Variants in HS3ST5 observed in about 807,000 individuals in gnomAD.
The protein encoded by HS3ST5 is heparan sulfate-glucosamine 3-sulfotransferase 5, also known as heparan sulfate glucosamine 3-O-sulfotransferase 5.
Under a neutral mutation model 25.4 loss-of-function variants are expected in HS3ST5, and 10 were observed. The ratio of observed to expected loss-of-function variants is 0.39; its 90% CI spans 0.24 to 0.67. The LOEUF (loss-of-function observed/expected upper bound fraction) is 0.67. Among genes scored for constraint, HS3ST5 ranks in the 30% least tolerant of loss-of-function variants. HS3ST5 has a pLI of 0.44. For missense variants in HS3ST5, 324 were observed against 420.7 expected (o/e 0.77, Z 2.01); for synonymous variants, 170 against 162.4 (o/e 1.05, Z -0.36).
chr6:114,261,555 C>T (rs1016929659), intron 1 of HS3ST5, among the ~76,000 whole-genome samples: 1 of 152,028 alleles, frequency 6.6e-6, no homozygotes, highest in African/African-American at 2.4e-5. Context: ...TACTATTTTT[C>T]ACAGAGAGAG....
chr6:114,233,620 A>G (rs1392447925), intron 1 of HS3ST5, among the ~76,000 whole-genome samples: 1 of 152,196 alleles, frequency 6.6e-6, no homozygotes, highest in Non-Finnish European at 1.5e-5. Context: ...TGCTATTTTC[A>G]TGGTCATATT....
At chr6:114,271,095 C>T (rs1267117009) in intron 1 of HS3ST5, among the ~76,000 whole-genome samples, 2 of 152,024 alleles carry the variant, frequency 1.3e-5, no homozygotes, top group South Asian at 4.1e-4. Context: ...CTATCTGTTG[C>T]TTGAGTATTT....
At chr6:114,168,578 G>A (rs1463642399) in intron 2 of HS3ST5, 116 bp from the exon 3 acceptor site, 1 of 152,114 alleles carries the variant, frequency 6.6e-6, no homozygotes, top group Non-Finnish European at 1.5e-5. Flanking sequence ...AGTATATTGT[G>A]GATGATAAGA....
intron 3 of HS3ST5, among the ~76,000 whole-genome samples, chr6:114,117,101 C>G (rs903569243): frequency 1.3e-5 from 2 of 152,062 alleles, no homozygotes; most frequent in Non-Finnish European, 2.9e-5. Flanking sequence ...CCGGCTGAAT[C>G]CTCTGGTGGA....
At chr6:114,308,682 C>G (rs763697111) in intron 1 of HS3ST5, among the ~76,000 whole-genome samples, 3 of 152,158 alleles carry the variant, frequency 2.0e-5, no homozygotes, top group Admixed American at 1.3e-4. Context: ...TGACATAGAC[C>G]TGTAGCTCAT....
At chr6:114,138,438 G>A (rs1562211805) in intron 3 of HS3ST5, among the ~76,000 whole-genome samples, 2 of 152,208 alleles carry the variant, frequency 1.3e-5, no homozygotes, top group African/African-American at 4.8e-5. Flanking sequence ...CTTAAATGAT[G>A]GAATGGTGGA....
chr6:114,104,103 T>G (rs1775877241), intron 3 of HS3ST5, among the ~76,000 whole-genome samples: 1 of 152,010 alleles, frequency 6.6e-6, no homozygotes, highest in African/African-American at 2.4e-5. Context: ...TTAAAAAAAA[T>G]GTTTAAACTG....
chr6:114,094,293 T>TC (rs1775305603), intron 3 of HS3ST5, among the ~76,000 whole-genome samples: 1 of 152,224 alleles, frequency 6.6e-6, no homozygotes, highest in South Asian at 2.1e-4. Context: ...TTTTGATACT[T>TC]CCCTAAATAT....
At chr6:114,285,754 G>A (rs555059186) in intron 1 of HS3ST5, among the ~76,000 whole-genome samples, 4 of 152,036 alleles carry the variant, frequency 2.6e-5, no homozygotes, top group Admixed American at 2.0e-4. Context: ...GTTGATAGGT[G>A]CAGCAAACCA....
In HS3ST5 at chr6:114,306,254, T is replaced by TAC. The variant is rs1337983000; in HGVS notation, c.-339+35940_-339+35941insGT. Among the ~76,000 whole-genome samples the TAC allele has an allele frequency of 3.3e-3, 374 of 112,708 alleles. 2 individuals carry two copies. The highest frequency in any genetic ancestry group is 0.014 in the African/African-American group (348 of 24,388). 73.9% of individuals were successfully genotyped at this position (112,708 alleles called of 152,430 possible). A position where few individuals can be genotyped will look rare whatever the true frequency, so the allele number is the denominator to read the frequency against. ...TGAAATATACATATATATATATATA[T>TAC]ATACACACACACACACACACACACA... On this transcript the variant is annotated intron_variant, in intron 1 of 4. Transcript: ENST00000312719.
intron 1 of HS3ST5, among the ~76,000 whole-genome samples, chr6:114,245,951 C>A (rs1772359764): frequency 6.6e-6 from 1 of 152,164 alleles, no homozygotes; most frequent in African/African-American, 2.4e-5. Context: ...GGAAAGGGTT[C>A]AGGCAAGATG....
At chr6:114,210,150 T>C (rs914783457) in intron 2 of HS3ST5, among the ~76,000 whole-genome samples, 2 of 152,168 alleles carry the variant, frequency 1.3e-5, no homozygotes, top group African/African-American at 4.8e-5. Flanking sequence ...AAAATATTCA[T>C]TATTAGTAGT....
intron 2 of HS3ST5, among the ~76,000 whole-genome samples, chr6:114,172,383 G>A (rs374465768): frequency 6.8e-4 from 103 of 152,270 alleles, no homozygotes; most frequent in African/African-American, 2.3e-3. Flanking sequence ...GACAGTATTA[G>A]GTAGTAATCA....
At chr6:114,181,565 T>A (rs1296780095) in intron 2 of HS3ST5, among the ~76,000 whole-genome samples, 1 of 152,214 alleles carries the variant, frequency 6.6e-6, no homozygotes, top group Non-Finnish European at 1.5e-5. Flanking sequence ...ATTATAAAGC[T>A]TCCTTATCAC....
At chr6:114,259,393 TA>T (rs759387226) in intron 1 of HS3ST5, among the ~76,000 whole-genome samples, 2 of 152,234 alleles carry the variant, frequency 1.3e-5, no homozygotes, top group Non-Finnish European at 2.9e-5. Context: ...GTTGATTTTT[TA>T]TAAATATACA....
At chr6:114,202,284 C>G (rs887990437) in intron 2 of HS3ST5, among the ~76,000 whole-genome samples, 3 of 152,066 alleles carry the variant, frequency 2.0e-5, no homozygotes, top group Non-Finnish European at 2.9e-5. Flanking sequence ...TCCTGCAACC[C>G]CATTCTCCAA....
At chr6:114,180,259 C>T (rs758269096) in intron 2 of HS3ST5, among the ~76,000 whole-genome samples, 26 of 152,162 alleles carry the variant, frequency 1.7e-4, no homozygotes, top group Non-Finnish European at 3.1e-4. Context: ...GGATCCTATA[C>T]TGCACATAAG....
intron 2 of HS3ST5, among the ~76,000 whole-genome samples, chr6:114,223,518 T>A (rs1481489930): frequency 6.6e-6 from 1 of 151,820 alleles, no homozygotes; most frequent in East Asian, 1.9e-4. Flanking sequence ...TCTGCATTCC[T>A]AAATTGAAGA....
intron 3 of HS3ST5, among the ~76,000 whole-genome samples, chr6:114,106,929 A>T (rs1437143763): frequency 6.6e-6 from 1 of 152,142 alleles, no homozygotes; most frequent in Non-Finnish European, 1.5e-5. Context: ...TGCTAAAATT[A>T]GAAGACCAAC....
Sources: gnomAD v4.1 joint callset for allele counts (sites outside exome capture counted in the v4.1 genomes callset) on GRCh38, gnomAD v4.1.1 for gene constraint, MANE v1.5 for transcripts, NCBI Gene and HGNC (gene_info 2026-07-23, HGNC 2026-07-21) for gene names.